The following ADGRL3 variants were observed in gnomAD, a reference collection of about 807,000 sequenced individuals.
ADGRL3 encodes adhesion G protein-coupled receptor L3.
A neutral mutation model predicts 153.5 loss-of-function variants in ADGRL3; 62 were observed. The ratio of observed to expected loss-of-function variants is 0.40; its 90% CI spans 0.33 to 0.50. The LOEUF is 0.50. Among genes scored for constraint, ADGRL3 ranks in the 20% least tolerant of loss-of-function variants. The pLI is 0.47. For synonymous variants in ADGRL3, 710 were observed against 672.5 expected (o/e 1.06, Z -0.86); for missense variants, 1,641 against 1,859.4 (o/e 0.88, Z 2.16).
intron 1 of ADGRL3, among the ~76,000 whole-genome samples, chr4:61,322,342 G>T (rs2095375360): frequency 1.3e-5 from 2 of 152,114 alleles, no homozygotes; most frequent in South Asian, 4.1e-4. Flanking sequence ...TTCCACCCCA[G>T]TCCCTCCAAA....
intron 2 of ADGRL3, among the ~76,000 whole-genome samples, chr4:61,471,208 G>A (rs2097948757): frequency 6.6e-6 from 1 of 151,624 alleles, no homozygotes; most frequent in Non-Finnish European, 1.5e-5. Flanking sequence ...TTTTTAGCAT[G>A]TGAATATTCA....
intron 1 of ADGRL3, among the ~76,000 whole-genome samples, chr4:61,280,734 T>G (rs2093690505): frequency 6.6e-6 from 1 of 152,286 alleles, no homozygotes; most frequent in South Asian, 2.1e-4. Flanking sequence ...CAGAAGTTCA[T>G]GTAAGGATGC....
Position 62,074,318 on chromosome 4 carries a change from T to C in ADGRL3, c.*3410T>C, listed in dbSNP as rs1746506612. ...GATTACTTTCTTGTCAAATAATATTTTTGTCACATTTTTAGACTTGGTTGT... is the reference window on the plus strand; with the variant it reads ...GATTACTTTCTTGTCAAATAATATTCTTGTCACATTTTTAGACTTGGTTGT... On this transcript the variant is annotated 3_prime_UTR_variant, in exon 27 of 27. Coordinates refer to ENST00000683033, the MANE Select transcript of ADGRL3 (RefSeq NM_001387552.1). 1 of 152,162 alleles carries C rather than the reference T, an allele frequency of 6.6e-6. No homozygotes were observed. Among genetic ancestry groups the C allele is most frequent in the Non-Finnish European group, 1.5e-5 (1 of 68,024 alleles). The allele number at this position is 152,162 out of a possible 1,614,324, so 9.4% of individuals were successfully genotyped here.
At chr4:61,493,136 T>C (rs1176138687) in intron 2 of ADGRL3, among the ~76,000 whole-genome samples, 1 of 152,214 alleles carries the variant, frequency 6.6e-6, no homozygotes, top group Non-Finnish European at 1.5e-5. Flanking sequence ...ATGAGAAATC[T>C]ATTAGCTATT....
At chr4:61,401,219 C>T (rs1029796307) in intron 2 of ADGRL3, among the ~76,000 whole-genome samples, 8 of 151,594 alleles carry the variant, frequency 5.3e-5, no homozygotes, top group African/African-American at 1.2e-4. Context: ...CATAAAACAA[C>T]GTAAGCAACA....
chr4:62,062,970 G>A (rs1740998723), intron 25 of ADGRL3, among the ~76,000 whole-genome samples: 1 of 151,998 alleles, frequency 6.6e-6, no homozygotes, highest in East Asian at 1.9e-4. Flanking sequence ...TAGAATTTCA[G>A]AAATGTCAAA....
chr4:61,496,952 A>T (rs2152807805), intron 2 of ADGRL3, among the ~76,000 whole-genome samples, 169 bp from the exon 3 acceptor site: 1 of 152,254 alleles, frequency 6.6e-6, no homozygotes, highest in African/African-American at 2.4e-5. Context: ...AAAAAAAAAA[A>T]AAAATCAGTA....
chr4:61,916,909 C>T (rs1044647461), intron 13 of ADGRL3, among the ~76,000 whole-genome samples: 1 of 151,790 alleles, frequency 6.6e-6, no homozygotes, highest in Non-Finnish European at 1.5e-5. Flanking sequence ...GCTGAGATCG[C>T]ACCACTGCAC....
intron 6 of ADGRL3, among the ~76,000 whole-genome samples, chr4:61,703,470 T>A (rs993258865): frequency 1.3e-5 from 2 of 152,146 alleles, no homozygotes; most frequent in Non-Finnish European, 2.9e-5. Flanking sequence ...TAATTATTTT[T>A]ACATAAACAT....
chr4:61,291,091 C>T (rs1383084348), intron 1 of ADGRL3, among the ~76,000 whole-genome samples: 1 of 151,324 alleles, frequency 6.6e-6, no homozygotes, highest in Admixed American at 6.6e-5. Context: ...CTTATTAAGA[C>T]ATTTTCGATG....
chr4:61,854,496 A>C (rs2098241444), intron 9 of ADGRL3, among the ~76,000 whole-genome samples: 1 of 152,222 alleles, frequency 6.6e-6, no homozygotes, highest in Admixed American at 6.5e-5. Flanking sequence ...TAAATAATGT[A>C]ATATTGGATT....
intron 2 of ADGRL3, among the ~76,000 whole-genome samples, chr4:61,456,405 A>ATATATATAGATATATCTATATC (rs1560664399): frequency 1.9e-5 from 1 of 53,888 alleles, no homozygotes; most frequent in African/African-American, 5.9e-5. Context: ...ATCTATATCT[A>ATATATATAGATATATCTATATC]TATATATATA....
chr4:61,288,859 A>C (rs2094051639), intron 1 of ADGRL3, among the ~76,000 whole-genome samples: 1 of 152,004 alleles, frequency 6.6e-6, no homozygotes, highest in African/African-American at 2.4e-5. Context: ...TTTTTAGGAC[A>C]GTGCCATTTT....
chr4:61,994,052 TA>T (rs1005047487), intron 19 of ADGRL3, among the ~76,000 whole-genome samples: 1 of 152,238 alleles, frequency 6.6e-6, no homozygotes, highest in African/African-American at 2.4e-5. Flanking sequence ...TGAGAACTTG[TA>T]GTCAGTTTCT....
chr4:61,735,103 T>C (rs537032563), intron 8 of ADGRL3, among the ~76,000 whole-genome samples: 5 of 152,372 alleles, frequency 3.3e-5, no homozygotes, highest in South Asian at 4.1e-4. Context: ...TGGCCTTGTC[T>C]TACTCTTTCT....
At chr4:61,543,528 A>T (rs1031807407) in intron 4 of ADGRL3, among the ~76,000 whole-genome samples, 5 of 152,188 alleles carry the variant, frequency 3.3e-5, no homozygotes, top group African/African-American at 7.2e-5. Context: ...GAACTAGAAG[A>T]TAATAAAATT....
At chr4:61,991,193 A>G (rs972785797) in intron 19 of ADGRL3, among the ~76,000 whole-genome samples, 3 of 152,136 alleles carry the variant, frequency 2.0e-5, no homozygotes, top group African/African-American at 7.2e-5. Context: ...GTTGTTTTCA[A>G]TTACAAAATA....
At chr4:61,953,818 A>T (rs562322165) in intron 17 of ADGRL3, among the ~76,000 whole-genome samples, 1 of 152,308 alleles carries the variant, frequency 6.6e-6, no homozygotes. Context: ...TTCATAAGTT[A>T]ATGTGTGGAC....
chr4:61,602,992 G>A (rs1283525073), intron 5 of ADGRL3, among the ~76,000 whole-genome samples: 3 of 152,072 alleles, frequency 2.0e-5, no homozygotes, highest in Admixed American at 2.0e-4. Context: ...TTTGGCCTGG[G>A]TATTGAATAA....
Sources: gnomAD v4.1 joint callset for allele counts (sites outside exome capture counted in the v4.1 genomes callset) on GRCh38, gnomAD v4.1.1 for gene constraint, MANE v1.5 for transcripts, NCBI Gene and HGNC (gene_info 2026-07-23, HGNC 2026-07-21) for gene names.